Variants in CSMD1 observed in about 807,000 individuals in gnomAD.
CSMD1 encodes CUB and sushi domain-containing protein 1.
A neutral mutation model predicts 417.5 loss-of-function variants in CSMD1; 213 were observed. That is an observed-to-expected ratio of 0.51 (90% confidence interval 0.46 to 0.57). The LOEUF is 0.57. Among genes scored for constraint, CSMD1 ranks in the 20% least tolerant of loss-of-function variants. The probability of loss-of-function intolerance (pLI) is 0.00; values close to 1 mark genes in which losing one functional copy is unlikely to be tolerated. For synonymous variants in CSMD1, 2,862 were observed against 1,736.8 expected (o/e 1.65, Z -16.11); for missense variants, 6,923 against 4,529.7 (o/e 1.53, Z -15.17).
At chr8:4,080,422 T>C (rs1398056202) in intron 3 of CSMD1, among the ~76,000 whole-genome samples, 1 of 152,224 alleles carries the variant, frequency 6.6e-6, no homozygotes, top group South Asian at 2.1e-4. Flanking sequence ...TGAGTAATCA[T>C]GCCATTACAT....
intron 5 of CSMD1, among the ~76,000 whole-genome samples, chr8:3,992,684 G>C (rs533659214): frequency 1.3e-5 from 2 of 152,302 alleles, no homozygotes; most frequent in East Asian, 3.9e-4. Context: ...GGAATGCTAA[G>C]GTGGAAGGAT....
chr8:4,986,600 A>C (rs1191495062), intron 1 of CSMD1, among the ~76,000 whole-genome samples: 1 of 152,178 alleles, frequency 6.6e-6, no homozygotes, highest in East Asian at 1.9e-4. Flanking sequence ...CAGTAAAAGA[A>C]AAAAAATAAT....
chr8:3,523,021 A>ACC (rs1385205477), intron 10 of CSMD1, among the ~76,000 whole-genome samples: 1 of 143,638 alleles, frequency 7.0e-6, no homozygotes, highest in Non-Finnish European at 1.6e-5. Context: ...ACACCCACAC[A>ACC]CACACACACA....
chr8:3,973,815 T>G (rs551924376), intron 5 of CSMD1, among the ~76,000 whole-genome samples: 1 of 152,200 alleles, frequency 6.6e-6, no homozygotes, highest in Non-Finnish European at 1.5e-5. Context: ...GCCCTGGCCT[T>G]TTATGTGTTT....
At chr8:4,353,491 T>C (rs34317801) in intron 3 of CSMD1, among the ~76,000 whole-genome samples, 42,039 of 151,830 alleles carry the variant, frequency 0.28, 6,258 homozygotes, top group African/African-American at 0.37. Flanking sequence ...TTAATTAAAA[T>C]TGGTCAAATG....
chr8:4,335,108 C>T (rs1242503913), intron 3 of CSMD1, among the ~76,000 whole-genome samples: 1 of 152,046 alleles, frequency 6.6e-6, no homozygotes, highest in Non-Finnish European at 1.5e-5. Context: ...CACAATGTTG[C>T]CCAGATTGAT....
At chr8:4,131,454 A>T (rs548564186) in intron 3 of CSMD1, among the ~76,000 whole-genome samples, 1 of 152,216 alleles carries the variant, frequency 6.6e-6, no homozygotes, top group South Asian at 2.1e-4. Flanking sequence ...ATATACGATT[A>T]AACTTCTTAA....
chr8:3,506,579 C>T (rs1041047547), intron 10 of CSMD1, among the ~76,000 whole-genome samples: 1 of 152,160 alleles, frequency 6.6e-6, no homozygotes, highest in Admixed American at 6.5e-5. Flanking sequence ...CATCTTCAAC[C>T]ACGCCTCTAA....
At chr8:4,537,803 G>C (rs574958144) in intron 2 of CSMD1, among the ~76,000 whole-genome samples, 3 of 152,254 alleles carry the variant, frequency 2.0e-5, no homozygotes, top group Non-Finnish European at 2.9e-5. Context: ...TCTCAGGGCC[G>C]TGTTTATCCA....
At chr8:4,546,699 C>T (rs1040836357) in intron 2 of CSMD1, among the ~76,000 whole-genome samples, 1 of 152,074 alleles carries the variant, frequency 6.6e-6, no homozygotes. Flanking sequence ...GATCATGAGA[C>T]GTCTCCGCCT....
At chr8:3,695,195 G>T (rs755496296) in intron 7 of CSMD1, among the ~76,000 whole-genome samples, 8 of 151,926 alleles carry the variant, frequency 5.3e-5, no homozygotes, top group African/African-American at 1.9e-4. Flanking sequence ...GACACTGTCT[G>T]AAAACCAGGT....
chr8:3,141,036 T>A (rs367825655), intron 41 of CSMD1, among the ~76,000 whole-genome samples: 43 of 152,342 alleles, frequency 2.8e-4, no homozygotes, highest in African/African-American at 9.9e-4. Flanking sequence ...TACTGCCATA[T>A]GGATCAACTC....
chr8:3,699,045 C>T (rs914868649), intron 7 of CSMD1, among the ~76,000 whole-genome samples: 13 of 152,164 alleles, frequency 8.5e-5, no homozygotes, highest in Admixed American at 3.3e-4. Context: ...CTGGATCTAG[C>T]GAAGCACTCT....
At chr8:4,382,578 A>AAG (rs1225329013) in intron 3 of CSMD1, among the ~76,000 whole-genome samples, 1 of 152,242 alleles carries the variant, frequency 6.6e-6, no homozygotes, top group Non-Finnish European at 1.5e-5. Flanking sequence ...CTTTAAAGGA[A>AAG]AGTTAAAAGA....
At chr8:3,707,924 T>G (rs1801265995) in intron 7 of CSMD1, among the ~76,000 whole-genome samples, 1 of 152,096 alleles carries the variant, frequency 6.6e-6, no homozygotes, top group African/African-American at 2.4e-5. Context: ...CGTGCAAAAG[T>G]CATCAGCCAG....
chr8:4,008,155 A>C (rs1413550085), intron 4 of CSMD1, among the ~76,000 whole-genome samples: 1 of 152,206 alleles, frequency 6.6e-6, no homozygotes, highest in Non-Finnish European at 1.5e-5. Flanking sequence ...AGTCACAGCA[A>C]AACATTTTAA....
intron 3 of CSMD1, among the ~76,000 whole-genome samples, chr8:4,406,730 A>C (rs908975800): frequency 5.3e-5 from 8 of 152,332 alleles, no homozygotes; most frequent in African/African-American, 1.9e-4. Flanking sequence ...AAATGATACC[A>C]GAGAATGTAT....
chr8:4,657,607 G>C (rs1260862800), intron 1 of CSMD1, among the ~76,000 whole-genome samples: 1 of 150,456 alleles, frequency 6.6e-6, no homozygotes, highest in Non-Finnish European at 1.5e-5. Context: ...TTCCCAAGAA[G>C]AATAAATAAA....
At chr8:4,406,268 C>G (rs1471689457) in intron 3 of CSMD1, among the ~76,000 whole-genome samples, 2 of 152,226 alleles carry the variant, frequency 1.3e-5, no homozygotes, top group Non-Finnish European at 2.9e-5. Context: ...CATTTGCCCT[C>G]AGATAGTGCA....
Sources: gnomAD v4.1 joint callset for allele counts (sites outside exome capture counted in the v4.1 genomes callset) on GRCh38, gnomAD v4.1.1 for gene constraint, MANE v1.5 for transcripts, NCBI Gene and HGNC (gene_info 2026-07-23, HGNC 2026-07-21) for gene names.